The following SULT1B1 variants were observed in gnomAD, a reference collection of about 807,000 sequenced individuals.
SULT1B1 encodes sulfotransferase 1B1.
In SULT1B1, 28 loss-of-function variants were observed where a neutral mutation model predicts 34.6. The ratio of observed to expected loss-of-function variants is 0.81; its 90% CI spans 0.60 to 1.11. The LOEUF is 1.11. Ranked by LOEUF, SULT1B1 falls within the 50% of genes least tolerant of loss-of-function variation. SULT1B1 has a pLI of 0.00. For synonymous variants in SULT1B1, 147 were observed against 110.2 expected, an observed-to-expected ratio of 1.33 and a Z score of -2.09; for missense variants, 374 against 352.2, an observed-to-expected ratio of 1.06 and a Z score of -0.50.
intron 1 of SULT1B1, among the ~76,000 whole-genome samples, chr4:69,758,905 G>A (rs1461503325): frequency 6.6e-6 from 1 of 152,144 alleles, no homozygotes; most frequent in East Asian, 1.9e-4. Context: ...AGCCCCATGT[G>A]TTATTGGCCT....
rs1441508453 is a variant in SULT1B1 at position 69,723,597 on chromosome 4, C to A, written c.*3491G>T. 1 of 152,160 alleles carries A rather than the reference C, an allele frequency of 6.6e-6. No homozygotes were observed. Among genetic ancestry groups the A allele is most frequent in the Non-Finnish European group, 1.5e-5 (1 of 68,052 alleles). The allele number at this position is 152,160 out of a possible 1,614,324, so 9.4% of individuals were successfully genotyped here. On this transcript the variant is annotated 3_prime_UTR_variant, in exon 8 of 8. Coordinates refer to ENST00000310613, the MANE Select transcript of SULT1B1 (RefSeq NM_014465.4). Reference sequence around the variant, plus strand: ...AAAAAGAGAATTTTAGACCAATAACCCTGATGAACATTGATGCAAAAATCC... The same window carrying A: ...AAAAAGAGAATTTTAGACCAATAACACTGATGAACATTGATGCAAAAATCC...
At chr4:69,740,871 T>C (rs1718519884) in intron 4 of SULT1B1, among the ~76,000 whole-genome samples, 1 of 152,234 alleles carries the variant, frequency 6.6e-6, no homozygotes, top group African/African-American at 2.4e-5. Flanking sequence ...GCATTTTCTA[T>C]GCAGAAACTA....
At chr4:69,727,325 C>A in intron 7 of SULT1B1, 125 bp from the exon 8 acceptor site, 1 of 586,910 alleles carries the variant, frequency 1.7e-6, no homozygotes, top group Non-Finnish European at 2.7e-6. Context: ...TGAATTCAAA[C>A]AGTCTTTAAA....
rs770386490 is a variant in SULT1B1, at chr4:69,727,209, A to G, written c.779-9T>C. The G allele has an allele frequency of 1.3e-6, 2 of 1,596,362 alleles. No individual in the cohort carries two copies. The highest frequency in any genetic ancestry group is 2.3e-5 in the South Asian group (2 of 88,362). Reference sequence around the variant, plus strand: ...CCAGTCACCAGCCGTCCCTAAAGGTAAATAAAAAAACATAGGAAAGAATAA... The same window carrying G: ...CCAGTCACCAGCCGTCCCTAAAGGTGAATAAAAAAACATAGGAAAGAATAA... On this transcript the variant is annotated splice_polypyrimidine_tract_variant and intron_variant, in intron 7 of 7. Transcript: ENST00000310613.
chr4:69,759,026 G>A (rs1719296448), intron 1 of SULT1B1, among the ~76,000 whole-genome samples: 1 of 152,184 alleles, frequency 6.6e-6, no homozygotes, highest in African/African-American at 2.4e-5. Context: ...TTGAGCAAAT[G>A]ACTTTAAACT....
chr4:69,757,769 C>T lies in SULT1B1; in HGVS notation c.-44-2508G>A, dbSNP rs182258959. Among the ~76,000 whole-genome samples, 157 of 152,186 alleles carry T rather than the reference C, an allele frequency of 1.0e-3. 2 individuals are homozygous for T. Among genetic ancestry groups the T allele is most frequent in the African/African-American group, 3.6e-3 (148 of 41,522 alleles). ...ATTCAACAATACGTTTGTCCTGAAACATGTAGCATCTTATGCTACAAATAG... is the reference window on the plus strand; with the variant it reads ...ATTCAACAATACGTTTGTCCTGAAATATGTAGCATCTTATGCTACAAATAG... On this transcript the variant is annotated intron_variant, in intron 1 of 7. Transcript: ENST00000310613.
intron 4 of SULT1B1, among the ~76,000 whole-genome samples, chr4:69,736,778 T>C (rs1251419655): frequency 6.6e-6 from 1 of 151,802 alleles, no homozygotes; most frequent in Non-Finnish European, 1.5e-5. Context: ...AACATAAAGG[T>C]ATATCAATAG....
intron 3 of SULT1B1, among the ~76,000 whole-genome samples, chr4:69,750,766 C>T (rs962508279): frequency 2.0e-5 from 3 of 152,152 alleles, no homozygotes; most frequent in Non-Finnish European, 2.9e-5. Context: ...CATGTCCCTT[C>T]CCCAACCTCA....
intron 4 of SULT1B1, among the ~76,000 whole-genome samples, chr4:69,745,621 G>C (rs1718719792): frequency 6.6e-6 from 1 of 152,162 alleles, no homozygotes; most frequent in Admixed American, 6.5e-5. Context: ...TGAGTCTCTT[G>C]AAGTTTGAAG....
At chr4:69,731,208 C>T (rs1284172713) in intron 6 of SULT1B1, among the ~76,000 whole-genome samples, 1 of 152,202 alleles carries the variant, frequency 6.6e-6, no homozygotes, top group African/African-American at 2.4e-5. Flanking sequence ...GCAAGCACTA[C>T]TGCCTGAGCT....
intron 3 of SULT1B1, among the ~76,000 whole-genome samples, chr4:69,751,563 T>G (rs1718983465): frequency 6.6e-6 from 1 of 152,164 alleles, no homozygotes; most frequent in African/African-American, 2.4e-5. Flanking sequence ...GCCATTCTCC[T>G]GCCTCAGCCT....
At position 69,724,443 on chromosome 4, in the gene SULT1B1, T is replaced by G. The variant is rs1717744770; in HGVS notation, c.*2645A>C. Reference sequence around the variant, plus strand: ...ATCAATATCATGAAAATGGCCATACTGCCCAAGGTCATTTATAGATTCAAT... The same window carrying G: ...ATCAATATCATGAAAATGGCCATACGGCCCAAGGTCATTTATAGATTCAAT... On this transcript the variant is annotated 3_prime_UTR_variant, in exon 8 of 8. Transcript: ENST00000310613. 6.6e-6 allele frequency: 1 copy of G among 152,200 alleles called. No homozygotes were observed. The highest frequency in any genetic ancestry group is 2.1e-4 in the South Asian group (1 of 4,826). 9.4% of individuals were successfully genotyped at this position (152,200 alleles called of 1,614,324 possible). A position where few individuals can be genotyped will look rare whatever the true frequency, so the allele number is the denominator to read the frequency against.
At chr4:69,749,945 C>A (rs971529286) in intron 3 of SULT1B1, 127 bp from the exon 4 acceptor site, 7 of 653,136 alleles carry the variant, frequency 1.1e-5, no homozygotes, top group Middle Eastern at 3.0e-4. Flanking sequence ...CTGAAACAAT[C>A]ACAGGCATTT....
At chr4:69,736,986 A>T (rs1471352479) in intron 4 of SULT1B1, among the ~76,000 whole-genome samples, 1 of 152,018 alleles carries the variant, frequency 6.6e-6, no homozygotes, top group African/African-American at 2.4e-5. Flanking sequence ...AAATAAATAA[A>T]TCAATATATC....
intron 4 of SULT1B1, among the ~76,000 whole-genome samples, chr4:69,746,921 T>A (rs527900573): frequency 2.8e-4 from 42 of 152,334 alleles, no homozygotes; most frequent in African/African-American, 9.4e-4. Flanking sequence ...AGTGTAAATT[T>A]GGGTTTATTA....
chr4:69,753,764 G>A (rs1719078335), intron 3 of SULT1B1, among the ~76,000 whole-genome samples: 1 of 152,156 alleles, frequency 6.6e-6, no homozygotes, highest in Admixed American at 6.5e-5. Flanking sequence ...TCTATACATA[G>A]TGAATTGTAA....
At chr4:69,754,557 T>G in intron 3 of SULT1B1, 113 bp downstream of exon 3, 3 of 1,057,500 alleles carry the variant, frequency 2.8e-6, no homozygotes, top group East Asian at 2.5e-5. Flanking sequence ...TTTGCCACCT[T>G]CCATTTTATG....
rs566827510 is a variant in SULT1B1 at position 69,751,916 on chromosome 4, A to G, written c.278-2098T>C. 4.6e-5 allele frequency among the ~76,000 whole-genome samples: 7 copies of G among 152,000 alleles called. No homozygotes were observed. In the South Asian group the frequency reaches 8.3e-4, roughly 18 times the overall value. On this transcript the variant is annotated intron_variant, in intron 3 of 7. Transcript: ENST00000310613. ...ATTACTTTGGTTCTGTCACTTTTTC[A>G]TTTCATACTTTCTATGGTTCTGAAG... is the stretch of plus-strand genomic sequence containing the variant.
intron 4 of SULT1B1, among the ~76,000 whole-genome samples, chr4:69,734,882 G>A (rs1337391848): frequency 1.4e-5 from 2 of 148,024 alleles, no homozygotes; most frequent in Admixed American, 6.8e-5. Context: ...GCAGTGGTGC[G>A]ATCTCAGCTC....
Sources: gnomAD v4.1 joint callset for allele counts (sites outside exome capture counted in the v4.1 genomes callset) on GRCh38, gnomAD v4.1.1 for gene constraint, MANE v1.5 for transcripts, NCBI Gene and HGNC (gene_info 2026-07-23, HGNC 2026-07-21) for gene names.